MBL2: variants seen among roughly 807,000 people sequenced by gnomAD.
MBL2 encodes mannose binding lectin 2, also known as mannose-binding protein C.
In MBL2, 6 loss-of-function variants were observed where a neutral mutation model predicts 12.7. The ratio of observed to expected loss-of-function variants is 0.47; its 90% CI spans 0.26 to 0.94. MBL2 has a LOEUF of 0.94. Among genes scored for constraint, MBL2 ranks in the 40% least tolerant of loss-of-function variants. The pLI, the probability that MBL2 is intolerant of heterozygous loss-of-function variation, is 0.15. For missense variants in MBL2, 307 were observed against 295.2 expected (o/e 1.04, Z -0.29); for synonymous variants, 114 against 112.0 (o/e 1.02, Z -0.11).
intron 3 of MBL2, 44 bp from the exon 4 acceptor site, chr10:52,769,359 C>T (rs979576681): frequency 7.8e-7 from 1 of 1,284,452 alleles, no homozygotes; most frequent in Non-Finnish European, 1.1e-6. Context: ...TGAGAAGGAG[C>T]CTCAGAACTG....
In MBL2 at chr10:52,772,783, C is replaced by G. The variant is rs760767981; in HGVS notation, c.-56G>C. ...ACTCAGTGACAAGGACGCTGGCCCT[C>G]TAGCCTGGGGCTCTGGCAGATGCCT... On this transcript the variant is annotated 5_prime_UTR_variant, in exon 1 of 5. Transcript: ENST00000674931. The G allele has an allele frequency of 2.1e-5, 21 of 984,948 alleles. No individual in the cohort carries two copies. Among genetic ancestry groups the G allele is most frequent in the Non-Finnish European group, 2.5e-5 (21 of 829,664 alleles). 61.0% of individuals were successfully genotyped at this position (984,948 alleles called of 1,614,324 possible).
chr10:52,768,036 A>T lies in MBL2; in HGVS notation c.*101T>A, dbSNP rs1840331592. 2.8e-6 allele frequency: 4 copies of T among 1,438,844 alleles called. No individual in the cohort carries two copies. The highest frequency in any genetic ancestry group is 2.9e-5 in the African/African-American group (2 of 69,708). 89.1% of individuals were successfully genotyped at this position (1,438,844 alleles called of 1,614,324 possible). ...TTAGTGATTGCCCACAAAAGGAACAATACTGGATATGAGGAAATTGATATA... is the reference window on the plus strand; with the variant it reads ...TTAGTGATTGCCCACAAAAGGAACATTACTGGATATGAGGAAATTGATATA... On this transcript the variant is annotated 3_prime_UTR_variant, in exon 5 of 5. Coordinates refer to ENST00000674931, the MANE Select transcript of MBL2 (RefSeq NM_001378373.1).
chr10:52,767,730 T>C lies in MBL2; in HGVS notation c.*407A>G, dbSNP rs1840327518. On this transcript the variant is annotated 3_prime_UTR_variant, in exon 5 of 5. Transcript: ENST00000674931. Reference sequence around the variant, plus strand: ...AAGCTGTGGTATTAAACTGTGGTGATGTCATTAGGGGAGCCCTCTACCCAA... The same window carrying C: ...AAGCTGTGGTATTAAACTGTGGTGACGTCATTAGGGGAGCCCTCTACCCAA... The C allele has an allele frequency of 6.5e-6, 1 of 154,534 alleles. No homozygotes were observed. The highest frequency in any genetic ancestry group is 2.1e-4 in the South Asian group (1 of 4,866). 9.6% of individuals were successfully genotyped at this position (154,534 alleles called of 1,614,324 possible). A position where few individuals can be genotyped will look rare whatever the true frequency, so the allele number is the denominator to read the frequency against.
In MBL2 at chr10:52,769,334, G is replaced by A. The variant is rs1305105593; in HGVS notation, c.305-19C>T. 14 of 1,560,898 alleles carry A rather than the reference G, an allele frequency of 9.0e-6. No homozygotes were observed. The highest frequency in any genetic ancestry group is 1.7e-4 in the Middle Eastern group (1 of 5,934). On this transcript the variant is annotated intron_variant, in intron 3 of 4. Transcript: ENST00000674931. ...TCACCATCTAGAAAATTAGAACAAA[G>A]TAAAGAAGCATTGTTGAGAAGGAGC...
In MBL2 at chr10:52,768,030, G is replaced by A. The variant is rs1181176425; in HGVS notation, c.*107C>T. 11 of 1,381,386 alleles carry A rather than the reference G, an allele frequency of 8.0e-6. No individual in the cohort carries two copies. In the East Asian group the frequency reaches 2.4e-4, roughly 30 times the overall value. 85.6% of individuals were successfully genotyped at this position (1,381,386 alleles called of 1,614,324 possible). On this transcript the variant is annotated 3_prime_UTR_variant, in exon 5 of 5. Transcript: ENST00000674931. ...TCATTTTTAGTGATTGCCCACAAAA[G>A]GAACAATACTGGATATGAGGAAATT...
At chr10:52,771,753 C>A (rs1024821347) in intron 1 of MBL2, 109 bp from the exon 2 acceptor site, 3 of 1,434,798 alleles carry the variant, frequency 2.1e-6, no homozygotes, top group South Asian at 1.5e-5. Flanking sequence ...AAATAGATGA[C>A]CCATCCCTGG....
intron 4 of MBL2, 95 bp downstream of exon 4, chr10:52,769,152 C>A: frequency 2.6e-6 from 2 of 780,878 alleles, no homozygotes; most frequent in Non-Finnish European, 4.3e-6. Context: ...AAATGCCTAG[C>A]AGGGTACAGA....
Position 52,767,140 on chromosome 10 carries a change from C to T in MBL2, c.*997G>A, listed in dbSNP as rs770959533. The T allele has an allele frequency of 1.3e-5, 2 of 152,028 alleles. No homozygotes were observed. Among genetic ancestry groups the T allele is most frequent in the Non-Finnish European group, 2.9e-5 (2 of 68,038 alleles). 9.4% of individuals were successfully genotyped at this position (152,028 alleles called of 1,614,324 possible). On this transcript the variant is annotated 3_prime_UTR_variant, in exon 5 of 5. Transcript: ENST00000674931. ...CTTTCCTCATCCTCTACCAGTTCCA[C>T]TCCTGGATAGGTAGTGAAATTAGTG...
Position 52,766,716 on chromosome 10 carries a change from T to G in MBL2, c.*1421A>C, listed in dbSNP as rs1478150252. 1 of 152,046 alleles carries G rather than the reference T, an allele frequency of 6.6e-6. No homozygotes were observed. 9.4% of individuals were successfully genotyped at this position (152,046 alleles called of 1,614,324 possible). On this transcript the variant is annotated 3_prime_UTR_variant, in exon 5 of 5. Coordinates refer to ENST00000674931, the MANE Select transcript of MBL2 (RefSeq NM_001378373.1). ...AATTTTGTTCATCAAAATTCAACAT[T>G]AGGAGCAAGTCAAAAACTAGCAAAA...
intron 3 of MBL2, among the ~76,000 whole-genome samples, chr10:52,769,607 T>C (rs755112038): frequency 6.6e-6 from 1 of 152,186 alleles, no homozygotes; most frequent in Non-Finnish European, 1.5e-5. Flanking sequence ...TGCCAGGTTC[T>C]TCACAGATTT....
intron 3 of MBL2, 74 bp from the exon 4 acceptor site, chr10:52,769,389 A>C: frequency 1.3e-6 from 1 of 770,378 alleles, no homozygotes; most frequent in Non-Finnish European, 2.1e-6. Context: ...AAGGGAGTGG[A>C]GTATCTTTTT....
In MBL2 at chr10:52,768,484, C is replaced by T. The variant is rs200040065; in HGVS notation, c.400G>A (p.Val134Ile). The T allele has an allele frequency of 6.3e-7, 1 of 1,582,550 alleles. No homozygotes were observed. The highest frequency in any genetic ancestry group is 1.8e-5 in the Admixed American group (1 of 55,776). ...TTGGTCAGGAAGAACTTGTTCCCAA[C>T]TTGTTTGCCCAGAGAGAAGGTGAGC... is the stretch of plus-strand genomic sequence containing the variant. ...KWLTFSLGKQ[V>I]GNKFFLTNGE... The change falls in exon 5 of 5, where the codon GTT becomes ATT. Residue 134 changes from valine (V) to isoleucine (I), a missense_variant. Coordinates refer to ENST00000674931, the MANE Select transcript of MBL2 (RefSeq NM_001378373.1).
intron 4 of MBL2, 46 bp from the exon 5 acceptor site, chr10:52,768,556 A>C: frequency 7.2e-7 from 1 of 1,398,378 alleles, no homozygotes. Context: ...CTTAAGCCCA[A>C]CTCAAGGTAT....
At chr10:52,770,888 C>T in intron 2 of MBL2, 102 bp from the exon 3 acceptor site, 1 of 559,920 alleles carries the variant, frequency 1.8e-6, no homozygotes, top group Non-Finnish European at 2.9e-6. Context: ...GAGACCTTGA[C>T]CCAGGACTGA....
rs746243862 is a variant in MBL2 at position 52,768,222 on chromosome 10, T to G, written c.662A>C (p.Asp221Ala). The G allele has an allele frequency of 1.2e-6, 2 of 1,613,720 alleles. No individual in the cohort carries two copies. Among genetic ancestry groups the G allele is most frequent in the Admixed American group, 1.7e-5 (1 of 59,976 alleles). ...GEPNNAGSDE[D>A]CVLLLKNGQW... ...GCCATTTTTCAGTAGCAATACACAATCTTCATCAGAACCAGCATTGTTGGG... is the reference window on the plus strand; with the variant it reads ...GCCATTTTTCAGTAGCAATACACAAGCTTCATCAGAACCAGCATTGTTGGG... The change falls in exon 5 of 5, where the codon GAT becomes GCT. Residue 221 changes from aspartate to alanine, a missense_variant. Transcript: ENST00000674931.
chr10:52,769,463 T>G, intron 3 of MBL2, 148 bp from the exon 4 acceptor site: 1 of 548,544 alleles, frequency 1.8e-6, no homozygotes. Flanking sequence ...TAAAAAATAC[T>G]GAAAAGCCCA....
rs1034639200 is a variant in MBL2 at position 52,765,712 on chromosome 10, G to A, written c.*2425C>T. On this transcript the variant is annotated 3_prime_UTR_variant, in exon 5 of 5. Coordinates refer to ENST00000674931, the MANE Select transcript of MBL2 (RefSeq NM_001378373.1). ...TCCAGTTTAGATAGGCCTGACTGGAGCACTTCATTATATTGTCTTTCAGGA... is the reference window on the plus strand; with the variant it reads ...TCCAGTTTAGATAGGCCTGACTGGAACACTTCATTATATTGTCTTTCAGGA... 12 of 152,118 alleles carry A rather than the reference G, an allele frequency of 7.9e-5. No homozygotes were observed. The highest frequency in any genetic ancestry group is 2.9e-4 in the African/African-American group (12 of 41,424). The allele number at this position is 152,118 out of a possible 1,614,324, so 9.4% of individuals were successfully genotyped here.
rs1564434353 is a variant in MBL2 at position 52,765,979 on chromosome 10, AAAG to A, written c.*2155_*2157del. ...CTGTATTTCTGTGTACAACAATAGA[AAAG>A]AAAAAATATTTAAAATATATTATTA... On this transcript the variant is annotated 3_prime_UTR_variant, in exon 5 of 5. Coordinates refer to ENST00000674931, the MANE Select transcript of MBL2 (RefSeq NM_001378373.1). The A allele has an allele frequency of 2.0e-5, 3 of 152,154 alleles. No individual in the cohort carries two copies. Among genetic ancestry groups the A allele is most frequent in the African/African-American group, 4.8e-5 (2 of 41,456 alleles). 9.4% of individuals were successfully genotyped at this position (152,154 alleles called of 1,614,324 possible).
rs774962182 is a variant in MBL2 at position 52,770,742 on chromosome 10, G to T, written c.232C>A (p.Pro78Thr). Residue 78 changes from proline to threonine, a missense_variant, in exon 3 of 5, where the codon CCT (proline) becomes ACT (threonine). By Grantham distance (38) the Pro-to-Thr change is conservative. Coordinates refer to ENST00000674931, the MANE Select transcript of MBL2 (RefSeq NM_001378373.1). ...GLQGPPGKLG[P>T]PGNPGPSGSP... ...CCAGAAGGCCCTGGATTTCCTGGAG[G>T]CCCCAACTTTCCAGGGGGGCCCTGT... The T allele has an allele frequency of 2.0e-6, 3 of 1,516,814 alleles. No individual in the cohort carries two copies. The highest frequency in any genetic ancestry group is 2.7e-6 in the Non-Finnish European group (3 of 1,125,116). 94.0% of individuals were successfully genotyped at this position (1,516,814 alleles called of 1,614,324 possible).
Sources: allele counts gnomAD v4.1 joint callset (sites outside exome capture counted in the v4.1 genomes callset), GRCh38; gene constraint gnomAD v4.1.1; transcripts MANE v1.5; gene names NCBI Gene and HGNC (gene_info 2026-07-23, HGNC 2026-07-21).